Variants in DGCR6L observed in about 807,000 individuals in gnomAD.
DGCR6L encodes DiGeorge syndrome critical region gene 6 like.
In DGCR6L, 24 loss-of-function variants were observed where a neutral mutation model predicts 31.1. The observed-to-expected ratio is 0.77, with a 90% CI of 0.56 to 1.08. The LOEUF (loss-of-function observed/expected upper bound fraction) is 1.08, where lower values mean the gene tolerates loss of function less well. Among genes scored for constraint, DGCR6L ranks in the 50% least tolerant of loss-of-function variants. The pLI, the probability that DGCR6L is intolerant of heterozygous loss-of-function variation, is 0.00. For missense variants in DGCR6L, 218 were observed against 287.1 expected (o/e 0.76, Z 1.74); for synonymous variants, 104 against 126.1 (o/e 0.82, Z 1.17).
Position 20,315,176 on chromosome 22 carries a change from C to A in DGCR6L, c.513+160G>T, listed in dbSNP as rs565872779. 3.7e-5 allele frequency: 55 copies of A among 1,504,260 alleles called. No homozygotes were observed. The East Asian group carries it at 1.3e-3, about 36-fold the overall frequency. The allele number at this position is 1,504,260 out of a possible 1,614,324, so 93.2% of individuals were successfully genotyped here. On this transcript the variant is annotated intron_variant, in intron 4 of 4. Transcript: ENST00000248879. ...CCCTCCTGTAGGGAATGGGCCTGGCCTCCGTGCTGGGAATGGCACAGAAAT... is the reference window on the plus strand; with the variant it reads ...CCCTCCTGTAGGGAATGGGCCTGGCATCCGTGCTGGGAATGGCACAGAAAT...
chr22:20,316,645 C>T (rs1358383696), intron 2 of DGCR6L, among the ~76,000 whole-genome samples: 3 of 152,332 alleles, frequency 2.0e-5, no homozygotes, highest in Admixed American at 6.5e-5. Flanking sequence ...GTCGCTGACC[C>T]TGAGCGTGGG....
chr22:20,319,674 T>C lies in DGCR6L; in HGVS notation c.236A>G (p.Tyr79Cys). The change falls in exon 2 of 5, where the codon TAC becomes TGC. Residue 79 changes from tyrosine (Y) to cysteine (C), a missense_variant. Physicochemically the swap from Tyr to Cys is radical, Grantham distance 194 (BLOSUM62 -2). This residue lies in a region of DGCR6L where 78 missense variants were observed against 90.0 expected (regional missense o/e 0.87). Transcript: ENST00000248879. ...EIQHLTEKSL[Y>C]NQRLRLQNEH... ...GTTCTGTAGGCGCAGGCGCTGGTTG[T>C]ACAGGCTCTTTTCGGTGAGGTGCTG... 5.0e-6 allele frequency: 8 copies of C among 1,611,970 alleles called. No homozygotes were observed. The highest frequency in any genetic ancestry group is 5.1e-6 in the Non-Finnish European group (6 of 1,179,890).
intron 2 of DGCR6L, among the ~76,000 whole-genome samples, chr22:20,317,400 G>GCTGGC (rs1181456744): frequency 6.6e-6 from 1 of 152,250 alleles, no homozygotes; most frequent in Non-Finnish European, 1.5e-5. Context: ...AGAGAGCCAC[G>GCTGGC]CTGGCTGCCT....
intron 3 of DGCR6L, 104 bp from the exon 4 acceptor site, chr22:20,315,580 C>T (rs2051565653): frequency 1.4e-6 from 2 of 1,481,418 alleles, no homozygotes. Flanking sequence ...CTGCCGTCCC[C>T]AGTGGCAGCA....
intron 2 of DGCR6L, among the ~76,000 whole-genome samples, chr22:20,316,832 C>G (rs1217887867): frequency 6.6e-6 from 1 of 152,202 alleles, no homozygotes; most frequent in Non-Finnish European, 1.5e-5. Context: ...GCCTGTGTGG[C>G]TCTGAGGGGC....
At chr22:20,315,026 C>A in intron 4 of DGCR6L, 2 of 1,317,584 alleles carry the variant, frequency 1.5e-6, no homozygotes, top group Non-Finnish European at 1.1e-6. Flanking sequence ...CAGGGCCACT[C>A]GGAATCTGAG....
chr22:20,319,504 G>C, intron 2 of DGCR6L, 135 bp downstream of exon 2: 6 of 1,424,794 alleles, frequency 4.2e-6, no homozygotes, highest in Non-Finnish European at 5.6e-6. Flanking sequence ...CAGTCTCTGC[G>C]CCCGTTGATT....
intron 4 of DGCR6L, 99 bp from the exon 5 acceptor site, chr22:20,314,923 C>G (rs529605190): frequency 1.3e-6 from 2 of 1,576,930 alleles, no homozygotes; most frequent in East Asian, 2.3e-5. Context: ...GGGCGACCAT[C>G]CTGTGAAGCC....
rs1414204360 is a variant in DGCR6L, at chr22:20,319,570, A to T, written c.271+69T>A. The T allele has an allele frequency of 3.8e-6, 6 of 1,574,966 alleles. No homozygotes were observed. In the East Asian group the frequency reaches 6.9e-5, roughly 18 times the overall value. On this transcript the variant is annotated intron_variant, in intron 2 of 4. Transcript: ENST00000248879. ...TTCCAAGGAAGGAGCTGATCTGCAC[A>T]GATACCAAGAGCTGCCCGGAGGCGC...
intron 2 of DGCR6L, among the ~76,000 whole-genome samples, chr22:20,316,942 A>C (rs1293013543): frequency 1.3e-5 from 2 of 152,238 alleles, no homozygotes; most frequent in Non-Finnish European, 2.9e-5. Context: ...GTACAGAGGA[A>C]GCGATCATGG....
intron 2 of DGCR6L, among the ~76,000 whole-genome samples, chr22:20,316,723 C>T (rs931550164): frequency 4.6e-5 from 7 of 152,222 alleles, no homozygotes; most frequent in Admixed American, 2.0e-4. Context: ...TAGACAGCCC[C>T]TCCCTCATTT....
intron 3 of DGCR6L, 25 bp from the exon 4 acceptor site, chr22:20,315,501 G>C (rs201382306): frequency 5.0e-6 from 8 of 1,609,538 alleles, no homozygotes; most frequent in African/African-American, 1.3e-5. Context: ...GGGCGCGGAG[G>C]GGGAGAGGTG....
At chr22:20,318,933 G>A (rs1316013625) in intron 2 of DGCR6L, among the ~76,000 whole-genome samples, 1 of 152,244 alleles carries the variant, frequency 6.6e-6, no homozygotes, top group African/African-American at 2.4e-5. Context: ...ATTTTGGGAT[G>A]TCAAGAACTA....
intron 2 of DGCR6L, among the ~76,000 whole-genome samples, chr22:20,316,983 G>A (rs2051576072): frequency 6.6e-6 from 1 of 152,226 alleles, no homozygotes; most frequent in Non-Finnish European, 1.5e-5. Flanking sequence ...AGAACATGCA[G>A]CACCCCACAG....
At chr22:20,319,829 G>A in intron 1 of DGCR6L, 30 bp from the exon 2 acceptor site, 2 of 1,600,058 alleles carry the variant, frequency 1.2e-6, no homozygotes, top group South Asian at 1.1e-5. Context: ...GTGAGCCCCG[G>A]CGGGAAACGA....
chr22:20,319,862 C>A lies in DGCR6L; in HGVS notation c.110+17G>T. On this transcript the variant is annotated intron_variant, in intron 1 of 4. Coordinates refer to ENST00000248879, the MANE Select transcript of DGCR6L (RefSeq NM_033257.4). ...CGAAGCCGCCTCCGCAGGCCTCCGC[C>A]CGCCCCGCCTGCGTACCTGGGCAAC... The A allele has an allele frequency of 6.2e-7, 1 of 1,603,716 alleles. No homozygotes were observed. The highest frequency in any genetic ancestry group is 8.5e-7 in the Non-Finnish European group (1 of 1,175,806).
At position 20,320,040 on chromosome 22, in the gene DGCR6L, A is replaced by G. The variant is rs1296463679; in HGVS notation, c.-52T>C. ...GGCGGCGACGAGCTCCCCCAGCTTC[A>G]CGACATCCCGAGCGCGGCGCGTCCC... On this transcript the variant is annotated 5_prime_UTR_variant, in exon 1 of 5. An upstream open reading frame in the 5' UTR loses its in-frame stop. Transcript: ENST00000248879. 2 of 1,478,828 alleles carry G rather than the reference A, an allele frequency of 1.4e-6. No homozygotes were observed. The highest frequency in any genetic ancestry group is 1.4e-5 in the South Asian group (1 of 72,402). 91.6% of individuals were successfully genotyped at this position (1,478,828 alleles called of 1,614,324 possible). A position where few individuals can be genotyped will look rare whatever the true frequency, so the allele number is the denominator to read the frequency against.
At chr22:20,318,869 G>A (rs1255443478) in intron 2 of DGCR6L, 1 of 152,150 alleles carries the variant, frequency 6.6e-6, no homozygotes, top group African/African-American at 2.4e-5. Context: ...TGAAAATCCT[G>A]GTCTCCAGGA....
intron 2 of DGCR6L, among the ~76,000 whole-genome samples, chr22:20,318,952 C>T (rs1385302056): frequency 6.6e-6 from 1 of 152,198 alleles, no homozygotes; most frequent in Non-Finnish European, 1.5e-5. Context: ...TAGAGCAAAA[C>T]GTTAACTATT....
Sources: gnomAD v4.1 joint callset for allele counts (sites outside exome capture counted in the v4.1 genomes callset) on GRCh38, gnomAD v4.1.1 for gene constraint, gnomAD v4.1.1 regional missense constraint, MANE v1.5 for transcripts, NCBI Gene and HGNC (gene_info 2026-07-23, HGNC 2026-07-21) for gene names.